The following FRAS1 variants were observed in gnomAD, a reference collection of about 807,000 sequenced individuals.
FRAS1 encodes extracellular matrix organizing protein FRAS1.
A neutral mutation model predicts 435.2 loss-of-function variants in FRAS1; 290 were observed. The observed-to-expected ratio is 0.67, with a 90% CI of 0.61 to 0.73. The LOEUF (loss-of-function observed/expected upper bound fraction) is 0.73, where lower values mean the gene tolerates loss of function less well. Among genes scored for constraint, FRAS1 ranks in the 30% least tolerant of loss-of-function variants. FRAS1 has a pLI of 0.00. For missense variants in FRAS1, 4,860 were observed against 5,001.5 expected (o/e 0.97, Z 0.85); for synonymous variants, 1,800 against 1,851.0 (o/e 0.97, Z 0.71).
intron 14 of FRAS1, among the ~76,000 whole-genome samples, chr4:78,303,990 G>A (rs944625187): frequency 6.6e-6 from 1 of 151,762 alleles, no homozygotes; most frequent in Admixed American, 6.6e-5. Context: ...TTGGCTGTGG[G>A]TTTGTCATAG....
chr4:78,279,236 C>A (rs75215883), intron 10 of FRAS1, among the ~76,000 whole-genome samples: 1 of 152,118 alleles, frequency 6.6e-6, no homozygotes. Flanking sequence ...GTGTTTGGCA[C>A]GTTCAAGAAA....
At chr4:78,194,838 G>A (rs939247372) in intron 2 of FRAS1, among the ~76,000 whole-genome samples, 1 of 152,182 alleles carries the variant, frequency 6.6e-6, no homozygotes, top group Non-Finnish European at 1.5e-5. Context: ...TTTGGAGGAG[G>A]AGAGACACTC....
At chr4:78,129,198 A>G (rs1211112824) in intron 2 of FRAS1, among the ~76,000 whole-genome samples, 1 of 152,174 alleles carries the variant, frequency 6.6e-6, no homozygotes, top group Non-Finnish European at 1.5e-5. Context: ...TGATGCCTCC[A>G]GCTTTGTTCT....
In FRAS1 at chr4:78,057,398, G is replaced by T. The variant is rs1739512454; in HGVS notation, c.-612G>T. Among the ~76,000 whole-genome samples the T allele has an allele frequency of 6.6e-6, 1 of 152,160 alleles. No individual in the cohort carries two copies. Among genetic ancestry groups the T allele is most frequent in the Non-Finnish European group, 1.5e-5 (1 of 68,038 alleles). The stretch of plus-strand genomic sequence containing the variant: ...CGGTGTGGTGCGGTGCGGCTGCAGG[G>T]CGGGCGAGTCCCCGGAGCTGCCCTC... On this transcript the variant is annotated 5_prime_UTR_variant, in exon 1 of 74. Coordinates refer to ENST00000512123, the MANE Select transcript of FRAS1 (RefSeq NM_025074.7). This position sits in a 1 kb window ranked among gnomAD's most constrained non-coding sequence, Gnocchi z 4.2.
chr4:78,528,393 G>A (rs769699477), intron 70 of FRAS1, among the ~76,000 whole-genome samples: 12 of 152,132 alleles, frequency 7.9e-5, no homozygotes, highest in South Asian at 2.1e-4. Flanking sequence ...AAGATTCCTC[G>A]TGTGCCTTTG....
chr4:78,308,363 C>T (rs1728878911), intron 15 of FRAS1, among the ~76,000 whole-genome samples, 154 bp downstream of exon 15: 2 of 152,348 alleles, frequency 1.3e-5, no homozygotes, highest in South Asian at 4.1e-4. Context: ...ATGTGCATAA[C>T]ACACTTTCCA....
chr4:78,190,130 G>A (rs1243238682), intron 2 of FRAS1, among the ~76,000 whole-genome samples: 19 of 152,096 alleles, frequency 1.2e-4, no homozygotes, highest in Non-Finnish European at 5.9e-5. Flanking sequence ...GGTGCACTTA[G>A]TGCACACTCT....
Position 78,379,746 on chromosome 4 carries a change from C to T in FRAS1, c.3313C>T (p.Leu1105Phe), listed in dbSNP as rs1051580085. 1 of 1,613,424 alleles carries T rather than the reference C, an allele frequency of 6.2e-7. No individual in the cohort carries two copies. Among genetic ancestry groups the T allele is most frequent in the African/African-American group, 1.3e-5 (1 of 74,868 alleles). Residue 1105 changes from leucine (L) to phenylalanine (F), a missense_variant, in exon 27 of 74, where the codon CTT (leucine) becomes TTT (phenylalanine). By Grantham distance (22) the Leu-to-Phe change is conservative. Coordinates refer to ENST00000512123, the MANE Select transcript of FRAS1 (RefSeq NM_025074.7). ...TTCAGGCAAAATACACACCCCTAGT[C>T]TTCATGTGAATGGTTCCCTGATCCT... ...TCSGKIHTPS[L>F]HVNGSLILPI...
intron 2 of FRAS1, among the ~76,000 whole-genome samples, chr4:78,087,947 A>C (rs1297552378): frequency 1.3e-5 from 2 of 152,194 alleles, no homozygotes; most frequent in Non-Finnish European, 1.5e-5. Flanking sequence ...TATGGAACCA[A>C]AAAAGAGCCC....
chr4:78,477,917 C>A lies in FRAS1; in HGVS notation c.7954C>A (p.Pro2652Thr), dbSNP rs745870708. 4.3e-6 allele frequency: 7 copies of A among 1,613,420 alleles called. No individual in the cohort carries two copies. Among genetic ancestry groups the A allele is most frequent in the South Asian group, 3.3e-5 (3 of 90,920 alleles). ...VESFTVELSM[P>T]AYALLGEFTQ... ...GAGTTTCACTGTGGAGCTCAGCATGCCAGCTTATGCCCTGTTAGGGGAATT... is the reference window on the plus strand; with the variant it reads ...GAGTTTCACTGTGGAGCTCAGCATGACAGCTTATGCCCTGTTAGGGGAATT... The change falls in exon 55 of 74, where the codon CCA (proline) becomes ACA (threonine). Residue 2652 changes from proline (P) to threonine (T), a missense_variant. Pro to Thr is a conservative substitution (Grantham distance 38, BLOSUM62 -1). Coordinates refer to ENST00000512123, the MANE Select transcript of FRAS1 (RefSeq NM_025074.7).
intron 2 of FRAS1, among the ~76,000 whole-genome samples, chr4:78,218,959 A>G (rs940657045): frequency 1.3e-5 from 2 of 152,232 alleles, no homozygotes; most frequent in Non-Finnish European, 2.9e-5. Flanking sequence ...TACAAAAGAC[A>G]CATTTCTTTC....
chr4:78,433,629 C>G (rs78348180), intron 38 of FRAS1, among the ~76,000 whole-genome samples: 1,813 of 152,224 alleles, frequency 0.012, 30 homozygotes, highest in African/African-American at 0.042. Context: ...TGCATTCCAC[C>G]CTAATTCTTC....
rs182011692 is a variant in FRAS1 at position 78,533,812 on chromosome 4, A to T, written c.10926-637A>T. ...TTCGGAGCTTAGAGGAGAAATCTGG[A>T]TTAGATAGTTAAATTTGGCATTACT... On this transcript the variant is annotated intron_variant, in intron 70 of 73. Transcript: ENST00000512123. 3.9e-5 allele frequency among the ~76,000 whole-genome samples: 6 copies of T among 152,316 alleles called. No homozygotes were observed. In the East Asian group the frequency reaches 1.2e-3, roughly 29 times the overall value.
Position 78,466,328 on chromosome 4 carries a change from C to A in FRAS1, c.7150C>A (p.Arg2384=). 1.2e-6 allele frequency: 2 copies of A among 1,613,846 alleles called. No homozygotes were observed. The highest frequency in any genetic ancestry group is 1.7e-6 in the Non-Finnish European group (2 of 1,179,798). The stretch of plus-strand genomic sequence containing the variant: ...CACCATGAAAGATATCTACCAGAAC[C>A]GGGTCAGCTACAGCCATGACGGCAG... ...TFTMKDIYQN[R]VSYSHDGSNS... is the part of the protein sequence containing the mutation. Residue 2384 remains arginine (R), a synonymous_variant, in exon 50 of 74, where the codon CGG becomes AGG. Transcript: ENST00000512123.
At chr4:78,072,168 A>G (rs765344530) in intron 2 of FRAS1, 2 of 152,116 alleles carry the variant, frequency 1.3e-5, no homozygotes, top group African/African-American at 4.8e-5. Flanking sequence ...TGGGAGTGTT[A>G]TCCATCATTT....
chr4:78,540,855 T>G lies in FRAS1; in HGVS notation c.11770T>G (p.Cys3924Gly). Reference protein sequence around the residue: ...MLLLLVFLVACFINRKCQKQR... With the variant: ...MLLLLVFLVAGFINRKCQKQR... Reference sequence around the variant, plus strand: ...TCTACTTCTGGTGTTTTTGGTGGCTTGTTTTATCAACAGGAAATGCCAGAA... The same window carrying G: ...TCTACTTCTGGTGTTTTTGGTGGCTGGTTTTATCAACAGGAAATGCCAGAA... The change falls in exon 74 of 74, where the codon TGT (cysteine) becomes GGT (glycine). Residue 3924 changes from cysteine to glycine, a missense_variant. Transcript: ENST00000512123. 6.2e-7 allele frequency: 1 copy of G among 1,613,982 alleles called. No individual in the cohort carries two copies. Among genetic ancestry groups the G allele is most frequent in the Non-Finnish European group, 8.5e-7 (1 of 1,179,892 alleles).
intron 2 of FRAS1, among the ~76,000 whole-genome samples, chr4:78,117,834 A>G (rs1406819778): frequency 6.6e-6 from 1 of 152,250 alleles, no homozygotes; most frequent in Non-Finnish European, 1.5e-5. Flanking sequence ...TCAGCTCATC[A>G]AAGTCATTCT....
intron 2 of FRAS1, among the ~76,000 whole-genome samples, chr4:78,193,708 G>T (rs527944835): frequency 4.0e-4 from 61 of 152,214 alleles, no homozygotes; most frequent in South Asian, 8.3e-4. Context: ...ACACTGATGG[G>T]TCTTGACTCT....
At chr4:78,497,052 G>T (rs1720527125) in intron 60 of FRAS1, 91 bp downstream of exon 60, 2 of 1,064,588 alleles carry the variant, frequency 1.9e-6, no homozygotes, top group Non-Finnish European at 1.4e-6. Context: ...AAATAAAAGT[G>T]CTTTAAGAAT....
Sources: allele counts gnomAD v4.1 joint callset (sites outside exome capture counted in the v4.1 genomes callset), GRCh38; gene constraint gnomAD v4.1.1; non-coding constraint Gnocchi (gnomAD v3.1); transcripts MANE v1.5; gene names NCBI Gene and HGNC (gene_info 2026-07-23, HGNC 2026-07-21).